Variants in ARMC8 observed in about 807,000 individuals in gnomAD.
The protein encoded by ARMC8 is armadillo repeat containing 8.
A neutral mutation model predicts 99.3 loss-of-function variants in ARMC8; 20 were observed. The ratio of observed to expected loss-of-function variants is 0.20; its 90% CI spans 0.14 to 0.29. The LOEUF (loss-of-function observed/expected upper bound fraction) is 0.29. Ranked by LOEUF, ARMC8 falls within the 10% of genes least tolerant of loss-of-function variation. The pLI, the probability that ARMC8 is intolerant of heterozygous loss-of-function variation, is 1.00. For missense variants in ARMC8, 569 were observed against 809.5 expected (o/e 0.70, Z 3.60); for synonymous variants, 263 against 278.3 (o/e 0.95, Z 0.55).
intron 1 of ARMC8, among the ~76,000 whole-genome samples, chr3:138,203,938 A>G (rs1387164711): frequency 3.9e-5 from 6 of 152,326 alleles, no homozygotes; most frequent in Admixed American, 2.6e-4. Flanking sequence ...CAAATTTATA[A>G]TCACAAGCCT....
At chr3:138,285,738 G>GT in intron 19 of ARMC8, among the ~76,000 whole-genome samples, 1 of 152,102 alleles carries the variant, frequency 6.6e-6, no homozygotes, top group South Asian at 2.1e-4. Context: ...TGTCAGCTTT[G>GT]TGCACAACTG....
chr3:138,219,737 T>G (rs113735906), intron 2 of ARMC8, among the ~76,000 whole-genome samples: 1 of 152,230 alleles, frequency 6.6e-6, no homozygotes, highest in Non-Finnish European at 1.5e-5. Context: ...GAGAATCTTT[T>G]TCTTTAGACA....
At chr3:138,262,353 A>G in intron 12 of ARMC8, 2 of 674,576 alleles carry the variant, frequency 3.0e-6, no homozygotes, top group Non-Finnish European at 2.5e-6. Context: ...TTTGGAAACT[A>G]AAACACCAGA....
chr3:138,289,127 G>C lies in ARMC8; in HGVS notation c.1894+7G>C. ...ATATGGAATGAAGAGGAAGGTAAGAGATTGGTGAGATTTGTTTTGAAAAAA... is the reference window on the plus strand; with the variant it reads ...ATATGGAATGAAGAGGAAGGTAAGACATTGGTGAGATTTGTTTTGAAAAAA... On this transcript the variant is annotated splice_region_variant and intron_variant, in intron 20 of 21. Coordinates refer to ENST00000469044, the MANE Select transcript of ARMC8 (RefSeq NM_001363941.2). The C allele has an allele frequency of 6.2e-7, 1 of 1,609,082 alleles. No individual in the cohort carries two copies. The highest frequency in any genetic ancestry group is 8.5e-7 in the Non-Finnish European group (1 of 1,176,710).
At chr3:138,233,601 A>T (rs2108135292) in intron 6 of ARMC8, among the ~76,000 whole-genome samples, 2 of 152,332 alleles carry the variant, frequency 1.3e-5, no homozygotes, top group Middle Eastern at 3.4e-3. Context: ...TAATACATAA[A>T]ATATTTGGGG....
rs76062438 is a variant in ARMC8, at chr3:138,274,924, C to T, written c.1725+380C>T. ...CCATGCTCTCAACTCAAAATTCCTGCGACTCGCTGATAAAATAATTCCTCA... is the reference window on the plus strand; with the variant it reads ...CCATGCTCTCAACTCAAAATTCCTGTGACTCGCTGATAAAATAATTCCTCA... On this transcript the variant is annotated intron_variant, in intron 18 of 21. Transcript: ENST00000469044. Among the ~76,000 whole-genome samples the T allele has an allele frequency of 5.1e-4, 78 of 152,278 alleles. 4 individuals are homozygous for T. In the East Asian group the frequency reaches 0.014, roughly 28 times the overall value.
At chr3:138,262,595 A>T in intron 12 of ARMC8, 1 of 1,561,026 alleles carries the variant, frequency 6.4e-7, no homozygotes. Flanking sequence ...ACCTGAGGAG[A>T]TTAAAAAAAA....
At chr3:138,253,733 C>G (rs1342997190) in intron 12 of ARMC8, among the ~76,000 whole-genome samples, 1 of 152,148 alleles carries the variant, frequency 6.6e-6, no homozygotes, top group Non-Finnish European at 1.5e-5. Flanking sequence ...GATGTATGCT[C>G]AGAATGAAGC....
At chr3:138,223,103 A>G (rs1316531601) in intron 3 of ARMC8, among the ~76,000 whole-genome samples, 1 of 152,198 alleles carries the variant, frequency 6.6e-6, no homozygotes, top group Admixed American at 6.5e-5. Context: ...GGTAGATGAC[A>G]TGGACTCTGA....
intron 6 of ARMC8, among the ~76,000 whole-genome samples, chr3:138,231,624 C>T (rs2046032865): frequency 1.3e-5 from 2 of 152,010 alleles, no homozygotes; most frequent in African/African-American, 4.8e-5. Flanking sequence ...AGTTTAAGAC[C>T]ATGAGAGCTA....
At chr3:138,285,267 G>A (rs1018624705) in intron 19 of ARMC8, among the ~76,000 whole-genome samples, 1 of 152,148 alleles carries the variant, frequency 6.6e-6, no homozygotes, top group African/African-American at 2.4e-5. Flanking sequence ...CCCCATTACA[G>A]TTAGTGATGA....
chr3:138,204,393 A>G (rs1576604487), intron 1 of ARMC8, among the ~76,000 whole-genome samples: 1 of 152,164 alleles, frequency 6.6e-6, no homozygotes, highest in East Asian at 1.9e-4. Context: ...CTATTAAAAC[A>G]TTTCCGTCAA....
rs577326328 is a variant in ARMC8, at chr3:138,242,173, A to C, written c.1038+190A>C. On this transcript the variant is annotated intron_variant, in intron 11 of 21. Transcript: ENST00000469044. ...CAAGTTGTTTAATGTTTATTGTCAGAAAGTTTTTACTGAGCAGATAAGCAA... is the reference window on the plus strand; with the variant it reads ...CAAGTTGTTTAATGTTTATTGTCAGCAAGTTTTTACTGAGCAGATAAGCAA... Among the ~76,000 whole-genome samples, 16 of 152,326 alleles carry C rather than the reference A, an allele frequency of 1.1e-4. No individual in the cohort carries two copies. The South Asian group carries it at 3.1e-3, about 30-fold the overall frequency.
chr3:138,221,796 AC>A, intron 2 of ARMC8, 129 bp from the exon 3 acceptor site: 2 of 667,158 alleles, frequency 3.0e-6, no homozygotes, highest in Non-Finnish European at 2.6e-6. Flanking sequence ...CTTCATTAGT[AC>A]TTTAGGTGAA....
intron 12 of ARMC8, among the ~76,000 whole-genome samples, chr3:138,247,325 A>G (rs1043774377): frequency 2.6e-5 from 4 of 152,012 alleles, no homozygotes; most frequent in African/African-American, 9.7e-5. Flanking sequence ...TGCAATGTTT[A>G]TGCTTGCCAA....
intron 15 of ARMC8, among the ~76,000 whole-genome samples, chr3:138,268,818 G>C (rs112035136): frequency 2.6e-5 from 4 of 152,090 alleles, no homozygotes; most frequent in Admixed American, 6.6e-5. Context: ...GAACCAAAGT[G>C]GGGGAGGGAA....
intron 12 of ARMC8, among the ~76,000 whole-genome samples, chr3:138,247,275 A>G (rs934785381): frequency 3.3e-5 from 5 of 151,936 alleles, no homozygotes; most frequent in Admixed American, 2.0e-4. Context: ...TTTTGTGTAG[A>G]TCCTTAAAGT....
rs953067459 is a variant in ARMC8, at chr3:138,188,285, G to A, written c.45+686G>A. 3 of 869,242 alleles carry A rather than the reference G, an allele frequency of 3.5e-6. No individual in the cohort carries two copies. The South Asian group carries it at 6.2e-5, about 18-fold the overall frequency. 53.8% of individuals were successfully genotyped at this position (869,242 alleles called of 1,614,324 possible). The stretch of plus-strand genomic sequence containing the variant: ...CCTGGTATTCCGTTTTTCTTTAAGG[G>A]GAGTCAAACATTGAAGGGGGGAAAA... On this transcript the variant is annotated intron_variant, in intron 1 of 21. Transcript: ENST00000469044.
chr3:138,279,989 T>C (rs981002952), intron 18 of ARMC8, among the ~76,000 whole-genome samples: 14 of 151,288 alleles, frequency 9.3e-5, no homozygotes, highest in African/African-American at 3.4e-4. Flanking sequence ...CTGCAACCTC[T>C]GCCTCCCGGG....
Sources: allele counts gnomAD v4.1 joint callset (sites outside exome capture counted in the v4.1 genomes callset), GRCh38; gene constraint gnomAD v4.1.1; transcripts MANE v1.5; gene names NCBI Gene and HGNC (gene_info 2026-07-23, HGNC 2026-07-21).